TMEM119: variants seen among roughly 807,000 people sequenced by gnomAD.
TMEM119 encodes osteoblast induction factor.
For synonymous variants in TMEM119, 182 were observed against 176.4 expected (o/e 1.03, Z -0.25); for missense variants, 410 against 381.0 (o/e 1.08, Z -0.63).
Position 108,592,120 on chromosome 12 carries a change from C to G in TMEM119, c.264G>C (p.Val88=). The change falls in exon 2 of 2, where the codon GTG becomes GTC. Residue 88 remains valine, a synonymous_variant. Coordinates refer to ENST00000392806, the MANE Select transcript of TMEM119 (RefSeq NM_181724.3). The surrounding 1 kb of genome is among the most constrained non-coding windows in gnomAD (Gnocchi z 4.3). Reference sequence around the variant, plus strand: ...GCATCACGTACTGGCGGAAGAAGTCCACTATCCCATCCAGGAAGTTGGTGG... The same window carrying G: ...GCATCACGTACTGGCGGAAGAAGTCGACTATCCCATCCAGGAAGTTGGTGG... ...SPPTNFLDGI[V]DFFRQYVMLI... 1 of 1,614,172 alleles carries G rather than the reference C, an allele frequency of 6.2e-7. No homozygotes were observed. The highest frequency in any genetic ancestry group is 2.2e-5 in the East Asian group (1 of 44,862).
chr12:108,590,367 T>C lies in TMEM119; in HGVS notation c.*1165A>G, dbSNP rs952861302. ...AAATTAAGAGCAGTATTTTCCAGAG[T>C]GGGTGCTGCAGGATTTTACCCTGTA... On this transcript the variant is annotated 3_prime_UTR_variant, in exon 2 of 2. Coordinates refer to ENST00000392806, the MANE Select transcript of TMEM119 (RefSeq NM_181724.3). 6.6e-6 allele frequency: 1 copy of C among 151,786 alleles called. No homozygotes were observed. The highest frequency in any genetic ancestry group is 1.5e-5 in the Non-Finnish European group (1 of 67,920). 9.4% of individuals were successfully genotyped at this position (151,786 alleles called of 1,614,324 possible).
At position 108,591,808 on chromosome 12, in the gene TMEM119, G is replaced by A. The variant is rs147107990; in HGVS notation, c.576C>T (p.Gly192=). ...NLKSPTRAAL[G]GGDGARMVEG... ...CCACCATCCTGGCTCCGTCCCCACC[G>A]CCCAGTGCAGCCCTGGTGGGGGACT... Residue 192 remains glycine (G), a synonymous_variant, in exon 2 of 2, where the codon GGC becomes GGT. Transcript: ENST00000392806. This position sits in a 1 kb window ranked among gnomAD's most constrained non-coding sequence, Gnocchi z 4.2. The A allele has an allele frequency of 1.9e-5, 31 of 1,592,924 alleles. No homozygotes were observed. Among genetic ancestry groups the A allele is most frequent in the East Asian group, 9.0e-5 (4 of 44,624 alleles).
Position 108,591,580 on chromosome 12 carries a change from A to AC in TMEM119, c.803dup (p.Pro269SerfsTer25), listed in dbSNP as rs1204215057. 3.6e-5 allele frequency: 58 copies of AC among 1,612,434 alleles called. No individual in the cohort carries two copies. Among genetic ancestry groups the AC allele is most frequent in the Non-Finnish European group, 4.7e-5 (56 of 1,179,396 alleles). Reference sequence around the variant, plus strand: ...TGCAAGCACAGGGGCTTTCGGGGGGACCCACTGGTCCCTGGGCTTCCTGGG... The same window carrying AC: ...TGCAAGCACAGGGGCTTTCGGGGGGACCCCACTGGTCCCTGGGCTTCCTGGG... On this transcript the variant is annotated frameshift_variant, in exon 2 of 2. Transcript: ENST00000392806. LOFTEE classifies it low-confidence loss of function (END_TRUNC). This position sits in a 1 kb window ranked among gnomAD's most constrained non-coding sequence, Gnocchi z 4.2.
At chr12:108,597,947 G>C (rs977643174) in intron 1 of TMEM119, 23 bp downstream of exon 1, 2 of 152,832 alleles carry the variant, frequency 1.3e-5, no homozygotes, top group African/African-American at 4.8e-5. Flanking sequence ...TCTCAGGACA[G>C]AGGAGGGGAC....
In TMEM119 at chr12:108,591,945, G is replaced by C. The variant is rs754466306; in HGVS notation, c.439C>G (p.Pro147Ala). The C allele has an allele frequency of 1.3e-5, 21 of 1,612,822 alleles. No individual in the cohort carries two copies. The Middle Eastern group carries it at 2.0e-3, about 152-fold the overall frequency. ...YVDQSDRAGG[P>A]RAFSEVPDRA... Reference sequence around the variant, plus strand: ...TCGGGGACCTCACTGAAGGCCCGGGGGCCCCCGGCCCGGTCACTCTGGTCC... The same window carrying C: ...TCGGGGACCTCACTGAAGGCCCGGGCGCCCCCGGCCCGGTCACTCTGGTCC... Residue 147 changes from proline (P) to alanine (A), a missense_variant, in exon 2 of 2, where the codon CCC (proline) becomes GCC (alanine). Coordinates refer to ENST00000392806, the MANE Select transcript of TMEM119 (RefSeq NM_181724.3). This position sits in a 1 kb window ranked among gnomAD's most constrained non-coding sequence, Gnocchi z 4.2.
chr12:108,596,248 G>T (rs527250755), intron 1 of TMEM119, among the ~76,000 whole-genome samples: 30 of 152,236 alleles, frequency 2.0e-4, no homozygotes, highest in African/African-American at 7.0e-4. Context: ...ACCATCGCCG[G>T]ATGGGAACAT....
Position 108,590,620 on chromosome 12 carries a change from G to GGATTGCAATGAGCCAA in TMEM119, c.*911_*912insTTGGCTCATTGCAATC, listed in dbSNP as rs1449101268. On this transcript the variant is annotated 3_prime_UTR_variant, in exon 2 of 2. Coordinates refer to ENST00000392806, the MANE Select transcript of TMEM119 (RefSeq NM_181724.3). ...GGAGAATCGCTTGAACCTGGGAGGCGGATTGCACTGAGCCAAGATTGCACC... is the reference window on the plus strand; with the variant it reads ...GGAGAATCGCTTGAACCTGGGAGGCGGATTGCAATGAGCCAAGATTGCACTGAGCCAAGATTGCACC... 6 of 152,080 alleles carry GGATTGCAATGAGCCAA rather than the reference G, an allele frequency of 3.9e-5. No homozygotes were observed. The highest frequency in any genetic ancestry group is 1.4e-4 in the African/African-American group (6 of 41,418). 9.4% of individuals were successfully genotyped at this position (152,080 alleles called of 1,614,324 possible).
rs765610596 is a variant in TMEM119, at chr12:108,591,876, G to A, written c.508C>T (p.Arg170Trp). Residue 170 changes from arginine (R) to tryptophan (W), a missense_variant, in exon 2 of 2, where the codon CGG becomes TGG. By Grantham distance (101) the Arg-to-Trp change is moderately radical. Transcript: ENST00000392806. The surrounding 1 kb of genome is among the most constrained non-coding windows in gnomAD (Gnocchi z 4.2). Reference sequence around the variant, plus strand: ...GCCAAGATGTCGGCCTGGAGCTGCCGGGAGGAATCCAGGGCTTCCTCGGGC... The same window carrying A: ...GCCAAGATGTCGGCCTGGAGCTGCCAGGAGGAATCCAGGGCTTCCTCGGGC... Reference protein sequence around the residue: ...SRPEEALDSSRQLQADILAAT... With the variant: ...SRPEEALDSSWQLQADILAAT... The A allele has an allele frequency of 2.3e-5, 37 of 1,609,834 alleles. No homozygotes were observed. In the Admixed American group the frequency reaches 3.5e-4, roughly 15 times the overall value.
At position 108,592,229 on chromosome 12, in the gene TMEM119, G is replaced by A. The variant is rs775965849; in HGVS notation, c.155C>T (p.Pro52Leu). ...GEAEGSSASS[P>L]SLPPPWTPAL... The stretch of plus-strand genomic sequence containing the variant: ...CGGGGTCCAGGGTGGCGGGAGGCTC[G>A]GGGAGGAGGCCGACGAGCCCTCGGC... Residue 52 changes from proline to leucine, a missense_variant, in exon 2 of 2, where the codon CCG becomes CTG. Pro to Leu is a moderately conservative substitution (Grantham distance 98). Coordinates refer to ENST00000392806, the MANE Select transcript of TMEM119 (RefSeq NM_181724.3). The surrounding 1 kb of genome is among the most constrained non-coding windows in gnomAD (Gnocchi z 4.3). 1.1e-5 allele frequency: 18 copies of A among 1,611,232 alleles called. No individual in the cohort carries two copies. The highest frequency in any genetic ancestry group is 1.7e-4 in the Middle Eastern group (1 of 5,970).
intron 1 of TMEM119, among the ~76,000 whole-genome samples, chr12:108,593,454 A>G (rs74481774): frequency 0.058 from 8,775 of 151,962 alleles, 552 homozygotes; most frequent in African/African-American, 0.15. Flanking sequence ...TCAAGAAGAA[A>G]AAAAAAAAAA....
Position 108,591,827 on chromosome 12 carries a change from G to C in TMEM119, c.557C>G (p.Pro186Arg). ...CCCACCGCCCAGTGCAGCCCTGGTG[G>C]GGGACTTGAGGTTCTGGGTGGCGGC... is the stretch of plus-strand genomic sequence containing the variant. ...ILAATQNLKS[P>R]TRAALGGGDG... is the part of the protein sequence containing the mutation. Residue 186 changes from proline (P) to arginine (R), a missense_variant, in exon 2 of 2, where the codon CCC becomes CGC. Physicochemically the swap from Pro to Arg is moderately radical, Grantham distance 103. Transcript: ENST00000392806. This position sits in a 1 kb window ranked among gnomAD's most constrained non-coding sequence, Gnocchi z 4.2. 2 of 1,600,176 alleles carry C rather than the reference G, an allele frequency of 1.2e-6. No individual in the cohort carries two copies. Among genetic ancestry groups the C allele is most frequent in the Non-Finnish European group, 1.7e-6 (2 of 1,173,530 alleles).
intron 1 of TMEM119, among the ~76,000 whole-genome samples, chr12:108,593,402 C>T (rs2031452579): frequency 6.6e-6 from 1 of 152,024 alleles, no homozygotes; most frequent in South Asian, 2.1e-4. Flanking sequence ...CGAGATCGCG[C>T]CACTGCACAC....
intron 1 of TMEM119, among the ~76,000 whole-genome samples, chr12:108,593,313 G>A (rs557710861): frequency 3.3e-5 from 5 of 152,190 alleles, no homozygotes; most frequent in South Asian, 4.2e-4. Context: ...GCATGGTGTC[G>A]TGCCCCTGTA....
At position 108,591,184 on chromosome 12, in the gene TMEM119, A is replaced by C. The variant is rs2031388228; in HGVS notation, c.*348T>G. 1 of 218,834 alleles carries C rather than the reference A, an allele frequency of 4.6e-6. No homozygotes were observed. Among genetic ancestry groups the C allele is most frequent in the Non-Finnish European group, 8.9e-6 (1 of 112,372 alleles). 13.6% of individuals were successfully genotyped at this position (218,834 alleles called of 1,614,324 possible). On this transcript the variant is annotated 3_prime_UTR_variant, in exon 2 of 2. Coordinates refer to ENST00000392806, the MANE Select transcript of TMEM119 (RefSeq NM_181724.3). This position sits in a 1 kb window ranked among gnomAD's most constrained non-coding sequence, Gnocchi z 4.2. Reference sequence around the variant, plus strand: ...AAGTGATGTCCGCACTTGGCCTCCCAAAATGCTGAGATTACAGGTGTGAGC... The same window carrying C: ...AAGTGATGTCCGCACTTGGCCTCCCCAAATGCTGAGATTACAGGTGTGAGC...
chr12:108,594,949 T>A (rs1053089791), intron 1 of TMEM119, among the ~76,000 whole-genome samples: 3 of 152,162 alleles, frequency 2.0e-5, no homozygotes, highest in Admixed American at 2.0e-4. Flanking sequence ...CAGGGGCTCA[T>A]TTTAAATGAG....
chr12:108,597,470 C>T (rs1200028276), intron 1 of TMEM119, among the ~76,000 whole-genome samples: 1 of 151,884 alleles, frequency 6.6e-6, no homozygotes, highest in African/African-American at 2.4e-5. Flanking sequence ...CACACACACA[C>T]ACACACAGAG....
At position 108,591,847 on chromosome 12, in the gene TMEM119, G is replaced by A. The variant is rs1173751889; in HGVS notation, c.537C>T (p.Ala179=). 1 of 1,604,114 alleles carries A rather than the reference G, an allele frequency of 6.2e-7. No homozygotes were observed. Among genetic ancestry groups the A allele is most frequent in the Non-Finnish European group, 8.5e-7 (1 of 1,175,742 alleles). Residue 179 remains alanine (A), a synonymous_variant, in exon 2 of 2, where the codon GCC becomes GCT. Coordinates refer to ENST00000392806, the MANE Select transcript of TMEM119 (RefSeq NM_181724.3). This position sits in a 1 kb window ranked among gnomAD's most constrained non-coding sequence, Gnocchi z 4.2. ...SRQLQADILA[A]TQNLKSPTRA... ...TGGTGGGGGACTTGAGGTTCTGGGT[G>A]GCGGCCAAGATGTCGGCCTGGAGCT...
Position 108,591,570 on chromosome 12 carries a change from T to C in TMEM119, c.814A>G (p.Ser272Gly). 6 of 1,612,266 alleles carry C rather than the reference T, an allele frequency of 3.7e-6. No homozygotes were observed. The highest frequency in any genetic ancestry group is 5.1e-6 in the Non-Finnish European group (6 of 1,179,142). ...EAQGPVGPPE[S>G]PCACSSVHPS... ...TGGACACTGCTGCAAGCACAGGGGC[T>C]TTCGGGGGGACCCACTGGTCCCTGG... is the stretch of plus-strand genomic sequence containing the variant. The change falls in exon 2 of 2, where the codon AGC (serine) becomes GGC (glycine). Residue 272 changes from serine to glycine, a missense_variant. Coordinates refer to ENST00000392806, the MANE Select transcript of TMEM119 (RefSeq NM_181724.3). This position sits in a 1 kb window ranked among gnomAD's most constrained non-coding sequence, Gnocchi z 4.2.
Position 108,592,592 on chromosome 12 carries a change from G to A in TMEM119, c.-14-195C>T, listed in dbSNP as rs575182056. Among the ~76,000 whole-genome samples, 29 of 152,270 alleles carry A rather than the reference G, an allele frequency of 1.9e-4. No homozygotes were observed. Among genetic ancestry groups the A allele is most frequent in the South Asian group, 1.0e-3 (5 of 4,828 alleles). ...GCTCCCCCACTTCTCTGGAGGTCCC[G>A]GAGGTCAGGGGCTGAATCTTATTCA... On this transcript the variant is annotated intron_variant, in intron 1 of 1. Coordinates refer to ENST00000392806, the MANE Select transcript of TMEM119 (RefSeq NM_181724.3). The surrounding 1 kb of genome is among the most constrained non-coding windows in gnomAD (Gnocchi z 4.3).
Sources: gnomAD v4.1 joint callset for allele counts (sites outside exome capture counted in the v4.1 genomes callset) on GRCh38, gnomAD v4.1.1 for gene constraint, Gnocchi (gnomAD v3.1) non-coding constraint, MANE v1.5 for transcripts, NCBI Gene and HGNC (gene_info 2026-07-23, HGNC 2026-07-21) for gene names.